The following STK17B variants were observed in gnomAD, a reference collection of about 807,000 sequenced individuals.
STK17B encodes the protein serine/threonine kinase 17b.
Under a neutral mutation model 42.0 loss-of-function variants are expected in STK17B, and 21 were observed. The observed-to-expected ratio is 0.50, with a 90% CI of 0.35 to 0.72. The LOEUF (loss-of-function observed/expected upper bound fraction) is 0.72. Among genes scored for constraint, STK17B ranks in the 30% least tolerant of loss-of-function variants. The probability of loss-of-function intolerance (pLI) is 0.00; values close to 1 mark genes in which losing one functional copy is unlikely to be tolerated. For missense variants in STK17B, 349 were observed against 446.0 expected, an observed-to-expected ratio of 0.78 and a Z score of 1.96; for synonymous variants, 143 against 148.4, an observed-to-expected ratio of 0.96 and a Z score of 0.26.
chr2:196,144,195 TAA>T (rs367688487), intron 4 of STK17B, among the ~76,000 whole-genome samples: 2 of 145,790 alleles, frequency 1.4e-5, no homozygotes, highest in Non-Finnish European at 1.5e-5. Context: ...ATTAAAAAAT[TAA>T]AAAAAAAAAG....
chr2:196,167,084 C>G (rs972906435), intron 1 of STK17B, among the ~76,000 whole-genome samples: 3 of 152,162 alleles, frequency 2.0e-5, no homozygotes, highest in African/African-American at 7.2e-5. Flanking sequence ...CTGAAAAAGC[C>G]TTTCTACTTT....
At chr2:196,143,115 T>C (rs1440377392) in intron 5 of STK17B, among the ~76,000 whole-genome samples, 1 of 152,210 alleles carries the variant, frequency 6.6e-6, no homozygotes, top group East Asian at 1.9e-4. Flanking sequence ...TAACAATTCC[T>C]GTAAGTTTAA....
At chr2:196,139,122 C>G (rs369548414) in intron 7 of STK17B, among the ~76,000 whole-genome samples, 1 of 152,042 alleles carries the variant, frequency 6.6e-6, no homozygotes, top group African/African-American at 2.4e-5. Flanking sequence ...TGCCACCATG[C>G]CTGGCTAATT....
intron 3 of STK17B, among the ~76,000 whole-genome samples, chr2:196,151,660 T>A (rs1303821351): frequency 6.6e-6 from 1 of 152,256 alleles, no homozygotes; most frequent in Non-Finnish European, 1.5e-5. Context: ...TATAGCTATA[T>A]TTTATTTAAT....
Position 196,156,513 on chromosome 2 carries a change from T to C in STK17B, c.261A>G (p.Ala87=), listed in dbSNP as rs770821467. The C allele has an allele frequency of 2.5e-6, 4 of 1,614,016 alleles. No homozygotes were observed. Among genetic ancestry groups the C allele is most frequent in the African/African-American group, 1.3e-5 (1 of 74,932 alleles). The stretch of plus-strand genomic sequence containing the variant: ...GATTAATAACACGGGGACAAGACTT[T>C]GCCAATTCAAGCACAGCAATCTCGT... ...ILHEIAVLEL[A]KSCPRVINLH... Residue 87 remains alanine, a synonymous_variant, in exon 3 of 8, where the codon GCA becomes GCG. Transcript: ENST00000263955.
intron 3 of STK17B, 172 bp downstream of exon 3, chr2:196,156,267 C>T (rs141270009): frequency 1.9e-5 from 11 of 566,516 alleles, no homozygotes; most frequent in South Asian, 1.6e-4. Flanking sequence ...TGTATGTGCC[C>T]GAGGCTATAC....
In STK17B at chr2:196,137,541, T is replaced by C; in HGVS notation, c.1025A>G (p.Asn342Ser). The C allele has an allele frequency of 6.2e-7, 1 of 1,614,154 alleles. No individual in the cohort carries two copies. The highest frequency in any genetic ancestry group is 1.7e-5 in the Admixed American group (1 of 60,026). ...AACCATGCTGCTATCCTCTGGGATA[T>C]TCTCTTTGTCTTCTCTATCACCACA... The part of the protein sequence containing the change: ...GTCGDREDKE[N>S]IPEDSSMVSK... Residue 342 changes from asparagine to serine, a missense_variant, in exon 8 of 8, where the codon AAT (asparagine) becomes AGT (serine). Around this residue, in one of 3 missense-constraint regions of STK17B, gnomAD observed 87 missense variants for 78.8 expected, o/e 1.10. Coordinates refer to ENST00000263955, the MANE Select transcript of STK17B (RefSeq NM_004226.4).
At chr2:196,173,318 T>A (rs1177102711), upstream of STK17B, among the ~76,000 whole-genome samples, 1 of 152,200 alleles carries the variant, frequency 6.6e-6, no homozygotes, top group Non-Finnish European at 1.5e-5. Flanking sequence ...GGTTACCCTC[T>A]TCAGGAATCA....
chr2:196,164,383 C>T (rs74541269), intron 1 of STK17B, among the ~76,000 whole-genome samples: 7 of 152,194 alleles, frequency 4.6e-5, no homozygotes, highest in African/African-American at 9.6e-5. Flanking sequence ...AGCTTTATTT[C>T]GAAGTTCTGT....
chr2:196,162,826 G>A (rs1212944299), intron 2 of STK17B, among the ~76,000 whole-genome samples: 1 of 152,012 alleles, frequency 6.6e-6, no homozygotes, highest in Non-Finnish European at 1.5e-5. Context: ...GAGACAGGAG[G>A]TTGCAGTGAG....
intron 2 of STK17B, among the ~76,000 whole-genome samples, chr2:196,160,987 C>T (rs1479536673): frequency 6.6e-6 from 1 of 152,094 alleles, no homozygotes; most frequent in Non-Finnish European, 1.5e-5. Flanking sequence ...CCTATAATGT[C>T]CCCAATTTTG....
At chr2:196,158,029 C>T (rs916564180) in intron 2 of STK17B, among the ~76,000 whole-genome samples, 1 of 152,158 alleles carries the variant, frequency 6.6e-6, no homozygotes, top group Admixed American at 6.5e-5. Context: ...AATTAAGAAC[C>T]TCTACCTTAA....
At chr2:196,143,451 C>G in intron 5 of STK17B, 109 bp downstream of exon 5, 1 of 1,100,494 alleles carries the variant, frequency 9.1e-7, no homozygotes, top group Non-Finnish European at 1.3e-6. Context: ...TTGAACCAAT[C>G]AAATCCTTTT....
chr2:196,169,066 CTATTTTTTT>C (rs1421793517), intron 1 of STK17B, among the ~76,000 whole-genome samples: 39 of 121,060 alleles, frequency 3.2e-4, no homozygotes, highest in African/African-American at 1.1e-3. Context: ...CCTAGGAATA[CTATTTTTTT>C]TTTTTTTTTT....
Position 196,163,320 on chromosome 2 carries a change from G to T in STK17B, c.64C>A (p.Pro22Thr). 3 of 1,605,892 alleles carry T rather than the reference G, an allele frequency of 1.9e-6. No individual in the cohort carries two copies. The highest frequency in any genetic ancestry group is 2.5e-6 in the Non-Finnish European group (3 of 1,177,870). Residue 22 changes from proline to threonine, a missense_variant, in exon 2 of 8, where the codon CCA becomes ACA. By Grantham distance (38) the Pro-to-Thr change is conservative (BLOSUM62 -1). Coordinates refer to ENST00000263955, the MANE Select transcript of STK17B (RefSeq NM_004226.4). ...SGLLTTTPQI[P>T]IKMENFNNFY... ...TTATTAAAGTTTTCCATTTTTATTG[G>T]AATTTGAGGAGTTGTAGTTAGTAGG...
rs181439108 is a variant in STK17B, at chr2:196,133,944, C to G, written c.*3503G>C. The G allele has an allele frequency of 6.6e-6, 1 of 152,150 alleles. No individual in the cohort carries two copies. Among genetic ancestry groups the G allele is most frequent in the Admixed American group, 6.5e-5 (1 of 15,292 alleles). The allele number at this position is 152,150 out of a possible 1,614,324, so 9.4% of individuals were successfully genotyped here. ...AAACTGAAGTGAAATACTTTTAATA[C>G]TACTTGAAATTAAAGTACAGTTGTT... On this transcript the variant is annotated 3_prime_UTR_variant, in exon 8 of 8. Transcript: ENST00000263955.
At position 196,139,020 on chromosome 2, in the gene STK17B, GC is replaced by G. The variant is rs552135054; in HGVS notation, c.836+599del. On this transcript the variant is annotated intron_variant, in intron 7 of 7. Coordinates refer to ENST00000263955, the MANE Select transcript of STK17B (RefSeq NM_004226.4). ...CTTGCTCTGTCATCTAGGCTAGAGT[GC>G]AGTGGCGCGATCTCTGCTTACTGGA... is the stretch of plus-strand genomic sequence containing the variant. Among the ~76,000 whole-genome samples the G allele has an allele frequency of 2.6e-5, 4 of 152,234 alleles. No individual in the cohort carries two copies. The South Asian group carries it at 8.3e-4, about 32-fold the overall frequency.
In STK17B at chr2:196,137,476, G is replaced by A; in HGVS notation, c.1090C>T (p.His364Tyr). 1 of 1,613,958 alleles carries A rather than the reference G, an allele frequency of 6.2e-7. No homozygotes were observed. The highest frequency in any genetic ancestry group is 8.5e-7 in the Non-Finnish European group (1 of 1,179,948). Residue 364 changes from histidine to tyrosine, a missense_variant, in exon 8 of 8, where the codon CAT (histidine) becomes TAT (tyrosine). His to Tyr is a moderately conservative substitution (Grantham distance 83). Transcript: ENST00000263955. ...CAGAGCAAATCTGAAACAAGTTCAT[G>A]GGGATTGGGTAATGAGTCATCGAAA... ...FRFDDSLPNPHELVSDLLC is the reference protein window; with the variant it reads ...FRFDDSLPNPYELVSDLLC
chr2:196,151,051 C>T (rs573901754), intron 3 of STK17B, among the ~76,000 whole-genome samples: 20 of 152,278 alleles, frequency 1.3e-4, no homozygotes, highest in Admixed American at 3.9e-4. Flanking sequence ...TTCTGTTTTG[C>T]ATGTTTTGTT....
Sources: allele counts gnomAD v4.1 joint callset (sites outside exome capture counted in the v4.1 genomes callset), GRCh38; gene constraint gnomAD v4.1.1; regional missense constraint gnomAD v4.1.1; transcripts MANE v1.5; gene names NCBI Gene and HGNC (gene_info 2026-07-23, HGNC 2026-07-21).